The following NEMF variants were observed in gnomAD, a reference collection of about 807,000 sequenced individuals.
The protein encoded by NEMF is nuclear export mediator factor, also known as ribosome quality control complex subunit NEMF.
NEMF carries 89 observed loss-of-function variants against 162.2 expected under a neutral mutation model. The ratio of observed to expected loss-of-function variants is 0.55; its 90% CI spans 0.46 to 0.65. The LOEUF (loss-of-function observed/expected upper bound fraction) is 0.65. Ranked by LOEUF, NEMF falls within the 30% of genes least tolerant of loss-of-function variation. The probability of loss-of-function intolerance (pLI) is 0.00; values close to 1 mark genes in which losing one functional copy is unlikely to be tolerated. For synonymous variants in NEMF, 421 were observed against 404.5 expected, an observed-to-expected ratio of 1.04 and a Z score of -0.49; for missense variants, 1,133 against 1,261.9, an observed-to-expected ratio of 0.90 and a Z score of 1.55.
chr14:49,828,744 T>C lies in NEMF; in HGVS notation c.1296A>G (p.Lys432=), dbSNP rs1010501422. 2.0e-5 allele frequency: 32 copies of C among 1,587,490 alleles called. No individual in the cohort carries two copies. The highest frequency in any genetic ancestry group is 2.8e-5 in the Non-Finnish European group (32 of 1,161,638). The change falls in exon 14 of 33, where the codon AAA becomes AAG. Residue 432 remains lysine (K), a synonymous_variant. Transcript: ENST00000298310. ...TTCCTTTTGGTGGTTCAGTTTCATT[T>C]TTCTCAACATTGACGTCACCATCAA... ...DDVDGDVNVE[K]NETEPPKGKK...
In NEMF at chr14:49,785,024, T is replaced by G; in HGVS notation, c.3074-20A>C. On this transcript the variant is annotated intron_variant, in intron 31 of 32. Coordinates refer to ENST00000298310, the MANE Select transcript of NEMF (RefSeq NM_004713.6). ...TTGCAGCTGTAAATACAAAAAAGAGTAAGAATAATCTACTGTTAAGTCACT... is the reference window on the plus strand; with the variant it reads ...TTGCAGCTGTAAATACAAAAAAGAGGAAGAATAATCTACTGTTAAGTCACT... 3 of 1,609,588 alleles carry G rather than the reference T, an allele frequency of 1.9e-6. No homozygotes were observed. The Middle Eastern group carries it at 5.0e-4, about 266-fold the overall frequency.
intron 28 of NEMF, among the ~76,000 whole-genome samples, chr14:49,787,474 C>G (rs575842423): frequency 1.3e-5 from 2 of 152,096 alleles, no homozygotes; most frequent in South Asian, 4.2e-4. Context: ...TCCCTTGAGC[C>G]CAGGAGTTCG....
Position 49,807,708 on chromosome 14 carries a change from C to T in NEMF, c.1745-1575G>A, listed in dbSNP as rs1441631886. On this transcript the variant is annotated intron_variant, in intron 18 of 32. Coordinates refer to ENST00000298310, the MANE Select transcript of NEMF (RefSeq NM_004713.6). ...ACCACCTGGGAAGTGATTCTCCTGC[C>T]TCAGCCTCCTGAGTAGCTGGGATTA... is the stretch of plus-strand genomic sequence containing the variant. Among the ~76,000 whole-genome samples, 4 of 151,634 alleles carry T rather than the reference C, an allele frequency of 2.6e-5. No homozygotes were observed. In the East Asian group the frequency reaches 7.7e-4, roughly 29 times the overall value.
rs1890003601 is a variant in NEMF at position 49,783,344 on chromosome 14, G to C, written c.*1292C>G. 6.7e-6 allele frequency: 1 copy of C among 148,268 alleles called. No homozygotes were observed. The highest frequency in any genetic ancestry group is 2.5e-5 in the African/African-American group (1 of 39,866). The allele number at this position is 148,268 out of a possible 1,614,324, so 9.2% of individuals were successfully genotyped here. ...GAGTAGTCTATAGTTATGTAACCTA[G>C]TGTTGTAAATACAATATAATAAAGG... On this transcript the variant is annotated 3_prime_UTR_variant, in exon 33 of 33. Transcript: ENST00000298310.
intron 3 of NEMF, 95 bp downstream of exon 3, chr14:49,851,457 TCATTTTATCTG>T (rs1430900460): frequency 4.0e-6 from 3 of 741,638 alleles, no homozygotes; most frequent in Non-Finnish European, 6.9e-6. Context: ...CCCTTTACCT[TCATTTTATCTG>T]CACTTTATTC....
intron 29 of NEMF, chr14:49,785,747 G>GTA (rs1298555867): frequency 1.7e-5 from 3 of 176,380 alleles, no homozygotes; most frequent in African/African-American, 7.2e-5. Context: ...AGTTAGCTGG[G>GTA]TATAGTGGGT....
Position 49,828,753 on chromosome 14 carries a change from A to G in NEMF, c.1287T>C (p.Asn429=), listed in dbSNP as rs1892490671. 4 of 1,576,826 alleles carry G rather than the reference A, an allele frequency of 2.5e-6. No individual in the cohort carries two copies. Among genetic ancestry groups the G allele is most frequent in the South Asian group, 1.1e-5 (1 of 87,380 alleles). Reference sequence around the variant, plus strand: ...GTGGTTCAGTTTCATTTTTCTCAACATTGACGTCACCATCAACATCATCAT... The same window carrying G: ...GTGGTTCAGTTTCATTTTTCTCAACGTTGACGTCACCATCAACATCATCAT... ...EEDDDVDGDV[N]VEKNETEPPK... Residue 429 remains asparagine (N), a synonymous_variant, in exon 14 of 33, where the codon AAT becomes AAC. Coordinates refer to ENST00000298310, the MANE Select transcript of NEMF (RefSeq NM_004713.6).
chr14:49,785,048 C>T (rs376996065), intron 31 of NEMF, 44 bp from the exon 32 acceptor site: 1 of 1,607,160 alleles, frequency 6.2e-7, no homozygotes, highest in Admixed American at 1.7e-5. Context: ...TGTTAAGTCA[C>T]TGAACTGTTT....
chr14:49,804,222 C>T (rs973659070), intron 19 of NEMF, among the ~76,000 whole-genome samples: 15 of 150,916 alleles, frequency 9.9e-5, no homozygotes, highest in Admixed American at 3.3e-4. Flanking sequence ...GCCAGGCTGG[C>T]CTTGAACTCC....
chr14:49,847,360 C>T (rs1229559550), intron 3 of NEMF, among the ~76,000 whole-genome samples: 4 of 151,946 alleles, frequency 2.6e-5, no homozygotes, highest in East Asian at 1.9e-4. Context: ...CCCACTACCA[C>T]GCCTGGCTAA....
chr14:49,832,396 T>A, intron 8 of NEMF, 119 bp from the exon 9 acceptor site: 23 of 649,244 alleles, frequency 3.5e-5, no homozygotes, highest in Non-Finnish European at 5.1e-5. Flanking sequence ...CAGTGGTATA[T>A]TCTCGGCTCA....
At chr14:49,830,744 C>T (rs3100907) in intron 11 of NEMF, among the ~76,000 whole-genome samples, 147,463 of 152,382 alleles carry the variant, frequency 0.97, 71,554 homozygotes, top group East Asian at 1. Flanking sequence ...AAAATCAAAT[C>T]CCCTTCAAAT....
chr14:49,784,800 C>A, intron 32 of NEMF, 87 bp from the exon 33 acceptor site: 1 of 1,433,088 alleles, frequency 7.0e-7, no homozygotes, highest in Non-Finnish European at 9.7e-7. Context: ...CATTTCCAAA[C>A]TTTTAGCTGA....
At chr14:49,815,945 C>A (rs1381772845) in intron 16 of NEMF, among the ~76,000 whole-genome samples, 4 of 151,944 alleles carry the variant, frequency 2.6e-5, no homozygotes, top group Non-Finnish European at 5.9e-5. Context: ...GCCTAGGCAA[C>A]AGAACGAGAC....
chr14:49,822,855 T>C (rs779555361), intron 16 of NEMF, among the ~76,000 whole-genome samples: 7 of 151,836 alleles, frequency 4.6e-5, no homozygotes, highest in Non-Finnish European at 1.0e-4. Flanking sequence ...CCTATCAGTA[T>C]GTGTGGTGTG....
Position 49,851,592 on chromosome 14 carries a change from T to C in NEMF, c.202A>G (p.Asn68Asp). 6.2e-7 allele frequency: 1 copy of C among 1,613,808 alleles called. No homozygotes were observed. Among genetic ancestry groups the C allele is most frequent in the Non-Finnish European group, 8.5e-7 (1 of 1,179,790 alleles). ...ATGGCAAAACTAGACGGCATCATAT[T>C]CTTAGGCCACTCAAATTCTGTTGTA... ...IHTTEFEWPK[N>D]MMPSSFAMKC... Residue 68 changes from asparagine to aspartate, a missense_variant, in exon 3 of 33, where the codon AAT becomes GAT. Transcript: ENST00000298310.
At chr14:49,796,443 C>G (rs1364611368) in intron 25 of NEMF, 1 of 345,840 alleles carries the variant, frequency 2.9e-6, no homozygotes, top group Non-Finnish European at 5.7e-6. Flanking sequence ...TACATCCCAC[C>G]CAGACTTCCT....
At chr14:49,786,608 C>A in intron 29 of NEMF, 110 bp downstream of exon 29, 2 of 1,020,886 alleles carry the variant, frequency 2.0e-6, no homozygotes, top group Non-Finnish European at 3.0e-6. Context: ...GACTTCGTAG[C>A]CTGCAGTCTT....
chr14:49,830,269 G>A (rs968396697), intron 11 of NEMF, among the ~76,000 whole-genome samples: 2 of 152,304 alleles, frequency 1.3e-5, no homozygotes, highest in Admixed American at 1.3e-4. Context: ...TAGCCAAAGT[G>A]CTGCCACCAT....
Sources: allele counts gnomAD v4.1 joint callset (sites outside exome capture counted in the v4.1 genomes callset), GRCh38; gene constraint gnomAD v4.1.1; transcripts MANE v1.5; gene names NCBI Gene and HGNC (gene_info 2026-07-23, HGNC 2026-07-21).